The following PHIP variants were observed in gnomAD, a reference collection of about 807,000 sequenced individuals.
PHIP encodes the protein PH-interacting protein.
PHIP carries 54 observed loss-of-function variants against 236.8 expected under a neutral mutation model. That is an observed-to-expected ratio of 0.23 (90% CI 0.18 to 0.29). The LOEUF is 0.29. PHIP is among the 10% of genes least tolerant of loss of function. The pLI is 1.00. For missense variants in PHIP, 1,370 were observed against 2,190.8 expected (o/e 0.63, Z 7.48); for synonymous variants, 756 against 718.9 (o/e 1.05, Z -0.83).
Position 78,935,490 on chromosome 6 carries a change from G to A in PHIP, c.*5203C>T, listed in dbSNP as rs999389310. ...TGCACATTTTTGAGAAAATATTTAT[G>A]CAAAGTGTTCCACTGAAATGTATCT... On this transcript the variant is annotated 3_prime_UTR_variant, in exon 40 of 40. Transcript: ENST00000275034. 1.0e-6 allele frequency: 1 copy of A among 978,344 alleles called. No individual in the cohort carries two copies. Among genetic ancestry groups the A allele is most frequent in the Non-Finnish European group, 1.2e-6 (1 of 823,582 alleles). 60.6% of individuals were successfully genotyped at this position (978,344 alleles called of 1,614,324 possible). A position where few individuals can be genotyped will look rare whatever the true frequency, so the allele number is the denominator to read the frequency against.
At position 78,991,075 on chromosome 6, in the gene PHIP, C is replaced by A. The variant is rs1343926833; in HGVS notation, c.2202-90G>T. On this transcript the variant is annotated intron_variant, in intron 19 of 39. Coordinates refer to ENST00000275034, the MANE Select transcript of PHIP (RefSeq NM_017934.7). ...GTTAGGTATCAGGAAAGGAACGCTA[C>A]TCCTGATGTTTTATTTTAAGATGGA... 5 of 713,972 alleles carry A rather than the reference C, an allele frequency of 7.0e-6. No individual in the cohort carries two copies. In the East Asian group the frequency reaches 1.1e-4, roughly 15 times the overall value. The allele number at this position is 713,972 out of a possible 1,614,324, so 44.2% of individuals were successfully genotyped here.
chr6:79,050,607 T>C (rs1208454903), intron 6 of PHIP, among the ~76,000 whole-genome samples: 3 of 152,326 alleles, frequency 2.0e-5, no homozygotes, highest in East Asian at 1.9e-4. Context: ...ACTTTCTCTA[T>C]AGAGCATACG....
intron 23 of PHIP, among the ~76,000 whole-genome samples, chr6:78,980,511 A>G (rs1238098532): frequency 4.6e-5 from 7 of 152,084 alleles, no homozygotes; most frequent in African/African-American, 1.4e-4. Flanking sequence ...TTTCTGGTAT[A>G]AACAACTAAG....
intron 7 of PHIP, among the ~76,000 whole-genome samples, chr6:79,041,469 G>A (rs1264782687): frequency 6.6e-6 from 1 of 152,042 alleles, no homozygotes; most frequent in African/African-American, 2.4e-5. Context: ...TTCCTACAAG[G>A]TTCTTTACAA....
At position 79,077,454 on chromosome 6, in the gene PHIP, C is replaced by A. The variant is rs1260936261; in HGVS notation, c.183G>T (p.Gln61His). The change falls in exon 4 of 40, where the codon CAG (glutamine) becomes CAT (histidine). Residue 61 changes from glutamine (Q) to histidine (H), a missense_variant. Gln to His is a conservative substitution (Grantham distance 24). This residue lies in a region of PHIP where 82 missense variants were observed against 203.2 expected (regional missense o/e 0.40). Coordinates refer to ENST00000275034, the MANE Select transcript of PHIP (RefSeq NM_017934.7). ...WTGKEHPRTY[Q>H]NLVKYYRHLA... is the part of the protein sequence containing the mutation. ...TGCGACGTGAATGTCTCACCAGATT[C>A]TGGTAGGTCCTGGGATGCTCCTTCC... 6.2e-7 allele frequency: 1 copy of A among 1,602,558 alleles called. No homozygotes were observed. Among genetic ancestry groups the A allele is most frequent in the Non-Finnish European group, 8.5e-7 (1 of 1,173,158 alleles).
chr6:79,078,218 A>C lies in PHIP; in HGVS notation c.-150T>G, dbSNP rs1774295052. Reference sequence around the variant, plus strand: ...CAAGCAACGGCGGCGGAGGCGGAGGAGGAGGAGGAGGAAACAACAACTCTC... The same window carrying C: ...CAAGCAACGGCGGCGGAGGCGGAGGCGGAGGAGGAGGAAACAACAACTCTC... On this transcript the variant is annotated 5_prime_UTR_variant, in exon 1 of 40. Coordinates refer to ENST00000275034, the MANE Select transcript of PHIP (RefSeq NM_017934.7). The C allele has an allele frequency of 7.4e-6, 5 of 677,044 alleles. No individual in the cohort carries two copies. Among genetic ancestry groups the C allele is most frequent in the Non-Finnish European group, 1.0e-5 (4 of 398,770 alleles). 41.9% of individuals were successfully genotyped at this position (677,044 alleles called of 1,614,324 possible).
intron 6 of PHIP, among the ~76,000 whole-genome samples, chr6:79,052,147 T>C (rs1232481812): frequency 3.9e-5 from 6 of 152,156 alleles, no homozygotes; most frequent in Non-Finnish European, 5.9e-5. Context: ...TTGAAATATA[T>C]AGCAAAAGGG....
At position 79,025,932 on chromosome 6, in the gene PHIP, AAG is replaced by A; in HGVS notation, c.822+9_822+10del. The A allele has an allele frequency of 6.5e-7, 1 of 1,545,848 alleles. No individual in the cohort carries two copies. The highest frequency in any genetic ancestry group is 8.9e-7 in the Non-Finnish European group (1 of 1,121,482). ...ACAACAACAACAATGTATAGGGATT[AAG>A]ACAATTACCTGTAGTGATGTAATAG... On this transcript the variant is annotated intron_variant, in intron 8 of 39. Coordinates refer to ENST00000275034, the MANE Select transcript of PHIP (RefSeq NM_017934.7).
chr6:78,955,019 G>A, intron 34 of PHIP, 56 bp from the exon 35 acceptor site: 2 of 1,296,858 alleles, frequency 1.5e-6, no homozygotes, highest in African/African-American at 1.5e-5. Context: ...AATAAAATTT[G>A]TACTTTTAAT....
At chr6:78,959,004 T>C (rs1163476394) in intron 31 of PHIP, among the ~76,000 whole-genome samples, 1 of 152,094 alleles carries the variant, frequency 6.6e-6, no homozygotes, top group Non-Finnish European at 1.5e-5. Context: ...GTAATTTTAA[T>C]CTAATTATCT....
chr6:78,984,562 T>C (rs1768750143), intron 22 of PHIP, among the ~76,000 whole-genome samples: 1 of 152,300 alleles, frequency 6.6e-6, no homozygotes, highest in African/African-American at 2.4e-5. Context: ...ATCTCAGGGT[T>C]TGAAATACTC....
intron 7 of PHIP, 69 bp downstream of exon 7, chr6:79,042,774 A>G (rs868471685): frequency 8.5e-7 from 1 of 1,171,756 alleles, no homozygotes; most frequent in Non-Finnish European, 1.2e-6. Flanking sequence ...TTTTACTTCA[A>G]GTTCACCTAT....
At chr6:79,057,297 A>G (rs983387013) in intron 6 of PHIP, among the ~76,000 whole-genome samples, 1 of 152,164 alleles carries the variant, frequency 6.6e-6, no homozygotes, top group Non-Finnish European at 1.5e-5. Context: ...GGATCCTGGA[A>G]TAAGAAAACG....
intron 36 of PHIP, among the ~76,000 whole-genome samples, chr6:78,947,189 C>T (rs994740730): frequency 6.6e-6 from 1 of 152,122 alleles, no homozygotes; most frequent in African/African-American, 2.4e-5. Flanking sequence ...AATGTTTGAA[C>T]CTGTTTTCTA....
intron 32 of PHIP, 38 bp from the exon 33 acceptor site, chr6:78,955,720 C>T (rs757514216): frequency 4.3e-6 from 3 of 696,206 alleles, no homozygotes; most frequent in East Asian, 2.7e-5. Flanking sequence ...AAGATTAGAA[C>T]CATGATAATT....
intron 7 of PHIP, among the ~76,000 whole-genome samples, chr6:79,036,638 C>G (rs1402080415): frequency 6.6e-6 from 1 of 152,036 alleles, no homozygotes; most frequent in African/African-American, 2.4e-5. Flanking sequence ...AAAAGCAACG[C>G]TGGGCCAGGC....
chr6:78,935,655 T>TA lies in PHIP; in HGVS notation c.*5037dup. 1.0e-6 allele frequency: 1 copy of TA among 983,714 alleles called. No individual in the cohort carries two copies. The highest frequency in any genetic ancestry group is 1.2e-6 in the Non-Finnish European group (1 of 828,386). 60.9% of individuals were successfully genotyped at this position (983,714 alleles called of 1,614,324 possible). A position where few individuals can be genotyped will look rare whatever the true frequency, so the allele number is the denominator to read the frequency against. ...ACCTTCAGTTGTTTTGGAATTAAAT[T>TA]ACATTTCGGCACCCAAATATCTTTT... On this transcript the variant is annotated 3_prime_UTR_variant, in exon 40 of 40. Coordinates refer to ENST00000275034, the MANE Select transcript of PHIP (RefSeq NM_017934.7).
chr6:78,942,934 C>T (rs1028666214), intron 39 of PHIP, among the ~76,000 whole-genome samples: 4 of 152,086 alleles, frequency 2.6e-5, no homozygotes, highest in African/African-American at 9.7e-5. Context: ...AAAAGGAATT[C>T]AGAAGTTTTT....
At chr6:78,968,552 C>G (rs1767306565) in intron 27 of PHIP, among the ~76,000 whole-genome samples, 1 of 152,150 alleles carries the variant, frequency 6.6e-6, no homozygotes, top group Non-Finnish European at 1.5e-5. Flanking sequence ...CCATGGAGGT[C>G]CTGGAAGTAA....
Sources: gnomAD v4.1 joint callset for allele counts (sites outside exome capture counted in the v4.1 genomes callset) on GRCh38, gnomAD v4.1.1 for gene constraint, gnomAD v4.1.1 regional missense constraint, MANE v1.5 for transcripts, NCBI Gene and HGNC (gene_info 2026-07-23, HGNC 2026-07-21) for gene names.